The following AP3S1 variants were observed in gnomAD, a reference collection of about 807,000 sequenced individuals.
The protein encoded by AP3S1 is adaptor related protein complex 3 subunit sigma 1, also known as AP-3 complex subunit sigma-1.
A neutral mutation model predicts 21.3 loss-of-function variants in AP3S1; 12 were observed. That is an observed-to-expected ratio of 0.56 (90% CI 0.36 to 0.91). The LOEUF (loss-of-function observed/expected upper bound fraction) is 0.91, where lower values mean the gene tolerates loss of function less well. Ranked by LOEUF, AP3S1 falls within the 40% of genes least tolerant of loss-of-function variation. The pLI, the probability that AP3S1 is intolerant of heterozygous loss-of-function variation, is 0.01. For synonymous variants in AP3S1, 48 were observed against 78.4 expected (o/e 0.61, Z 2.05); for missense variants, 116 against 225.0 (o/e 0.52, Z 3.10).
intron 1 of AP3S1, among the ~76,000 whole-genome samples, chr5:115,855,333 C>T (rs1762728142): frequency 6.6e-6 from 1 of 152,054 alleles, no homozygotes; most frequent in Non-Finnish European, 1.5e-5. Context: ...GCCACCGTGC[C>T]TAGTCCTATT....
chr5:115,878,026 T>G (rs1748889308), intron 3 of AP3S1, among the ~76,000 whole-genome samples: 3 of 152,186 alleles, frequency 2.0e-5, no homozygotes, highest in African/African-American at 7.2e-5. Context: ...TTATATCCTT[T>G]GCCCACTTTT....
At chr5:115,885,591 G>C (rs189967240) in intron 3 of AP3S1, among the ~76,000 whole-genome samples, 116 of 152,244 alleles carry the variant, frequency 7.6e-4, no homozygotes, top group African/African-American at 2.7e-3. Flanking sequence ...GTTGGATGGT[G>C]CCCACCCACA....
chr5:115,876,271 G>A (rs536084244), intron 3 of AP3S1, among the ~76,000 whole-genome samples: 4 of 152,246 alleles, frequency 2.6e-5, no homozygotes, highest in Non-Finnish European at 2.9e-5. Flanking sequence ...TAGTAGACAC[G>A]CTTTTCTTAG....
At chr5:115,868,412 A>G (rs1747888984) in intron 2 of AP3S1, among the ~76,000 whole-genome samples, 2 of 152,200 alleles carry the variant, frequency 1.3e-5, no homozygotes, top group African/African-American at 4.8e-5. Context: ...TTTAAATTGC[A>G]TGTAGATATT....
chr5:115,907,479 TAACAGTGGCC>T (rs1031510746), intron 5 of AP3S1, among the ~76,000 whole-genome samples: 5 of 152,114 alleles, frequency 3.3e-5, no homozygotes, highest in African/African-American at 1.2e-4. Flanking sequence ...AGGTGCATAT[TAACAGTGGCC>T]AACAGAAAAT....
chr5:115,886,315 C>CT (rs1749776129), intron 3 of AP3S1, among the ~76,000 whole-genome samples: 1 of 152,084 alleles, frequency 6.6e-6, no homozygotes. Flanking sequence ...AAAGATTACA[C>CT]TGAGTGTACC....
intron 3 of AP3S1, among the ~76,000 whole-genome samples, chr5:115,889,810 T>TA (rs144817182): frequency 1.3e-5 from 2 of 150,868 alleles, no homozygotes; most frequent in African/African-American, 2.4e-5. Context: ...ACCATGTCTT[T>TA]AAAAAAAAAT....
chr5:115,846,957 A>G (rs957059587), intron 1 of AP3S1, among the ~76,000 whole-genome samples: 1 of 152,232 alleles, frequency 6.6e-6, no homozygotes, highest in African/African-American at 2.4e-5. Flanking sequence ...GACCGATTCC[A>G]AAAGTATTTG....
chr5:115,874,249 A>G (rs1342916424), intron 3 of AP3S1, among the ~76,000 whole-genome samples: 1 of 152,064 alleles, frequency 6.6e-6, no homozygotes, highest in African/African-American at 2.4e-5. Context: ...ATTAACTGCT[A>G]TGTATGCCAT....
chr5:115,883,751 T>A (rs999010104), intron 3 of AP3S1, among the ~76,000 whole-genome samples: 2 of 152,216 alleles, frequency 1.3e-5, no homozygotes, highest in Non-Finnish European at 2.9e-5. Flanking sequence ...AAGAATGTAT[T>A]TTTAGGCGAA....
chr5:115,873,916 T>TATCAAAGTG (rs1430908001), intron 3 of AP3S1, among the ~76,000 whole-genome samples: 1 of 152,152 alleles, frequency 6.6e-6, no homozygotes, highest in Non-Finnish European at 1.5e-5. Flanking sequence ...ATATTTTAAA[T>TATCAAAGTG]ATCAAAGTGA....
rs532326449 is a variant in AP3S1 at position 115,881,460 on chromosome 5, C to T, written c.273+11332C>T. On this transcript the variant is annotated intron_variant, in intron 3 of 5. Coordinates refer to ENST00000316788, the MANE Select transcript of AP3S1 (RefSeq NM_001284.4). Reference sequence around the variant, plus strand: ...TTTTATTTCTCCTTCACTTATGAAGCTTAGCTTGGCTGGATATGAAATGCT... The same window carrying T: ...TTTTATTTCTCCTTCACTTATGAAGTTTAGCTTGGCTGGATATGAAATGCT... Among the ~76,000 whole-genome samples the T allele has an allele frequency of 7.3e-4, 111 of 152,282 alleles. 1 individual carries two copies. The highest frequency in any genetic ancestry group is 3.4e-3 in the Middle Eastern group (1 of 294).
intron 1 of AP3S1, among the ~76,000 whole-genome samples, chr5:115,844,077 G>T (rs900763319): frequency 1.3e-5 from 2 of 152,178 alleles, no homozygotes; most frequent in African/African-American, 4.8e-5. Context: ...TCTATAAGTT[G>T]GGTTTTGCCG....
intron 3 of AP3S1, among the ~76,000 whole-genome samples, chr5:115,885,400 TG>T (rs1749692747): frequency 6.6e-6 from 1 of 152,168 alleles, no homozygotes; most frequent in African/African-American, 2.4e-5. Context: ...GAGAGTTCCC[TG>T]GCAAACCACT....
chr5:115,858,938 A>AT (rs148238306), intron 1 of AP3S1, among the ~76,000 whole-genome samples: 1,840 of 150,424 alleles, frequency 0.012, 37 homozygotes, highest in African/African-American at 0.043. Context: ...AAATTTATTT[A>AT]TTTTTTATTT....
chr5:115,869,559 G>T (rs1748037426), intron 2 of AP3S1, among the ~76,000 whole-genome samples: 1 of 152,098 alleles, frequency 6.6e-6, no homozygotes, highest in Non-Finnish European at 1.5e-5. Flanking sequence ...AGCCTGAAAT[G>T]CTCTTCTCTA....
At chr5:115,867,680 T>C (rs1402132118) in intron 2 of AP3S1, among the ~76,000 whole-genome samples, 1 of 152,192 alleles carries the variant, frequency 6.6e-6, no homozygotes, top group Non-Finnish European at 1.5e-5. Flanking sequence ...GGCTTCTAAT[T>C]TAATAATTGA....
intron 5 of AP3S1, chr5:115,912,058 T>C (rs541330094): frequency 6.4e-4 from 97 of 152,158 alleles, no homozygotes; most frequent in Middle Eastern, 3.4e-3. Context: ...TTTTATTTCA[T>C]TGCTTAACAA....
At chr5:115,881,908 T>C (rs1050003714) in intron 3 of AP3S1, among the ~76,000 whole-genome samples, 6 of 152,016 alleles carry the variant, frequency 3.9e-5, no homozygotes, top group African/African-American at 1.4e-4. Flanking sequence ...CTTTTCATTC[T>C]TTTTTCTCTA....
Sources: allele counts gnomAD v4.1 joint callset (sites outside exome capture counted in the v4.1 genomes callset), GRCh38; gene constraint gnomAD v4.1.1; transcripts MANE v1.5; gene names NCBI Gene and HGNC (gene_info 2026-07-23, HGNC 2026-07-21).